SKIC2: variants seen among roughly 807,000 people sequenced by gnomAD.
SKIC2 encodes SKI2 subunit of superkiller complex.
chr6:31,967,082 G>C, the SKIC2 span: 1 of 1,612,900 alleles, frequency 6.2e-7, no homozygotes, highest in Non-Finnish European at 8.5e-7. This position sits in a 1 kb window ranked among gnomAD's most constrained non-coding sequence, Gnocchi z 4.9. Flanking sequence ...CCAACTGGTC[G>C]ACCTGCCTGA....
At chr6:31,968,348 C>T in the SKIC2 span, 6 of 1,612,744 alleles carry the variant, frequency 3.7e-6, no homozygotes, top group Admixed American at 3.3e-5. This position sits in a 1 kb window ranked among gnomAD's most constrained non-coding sequence, Gnocchi z 6.1. Context: ...CCCCTTGCAG[C>T]CGTGACCACT....
the SKIC2 span, chr6:31,961,932 T>A: frequency 6.2e-7 from 1 of 1,613,112 alleles, no homozygotes; most frequent in Non-Finnish European, 8.5e-7. Context: ...CAGATGTGTT[T>A]CAGAAACAGG....
At chr6:31,967,635 C>A in the SKIC2 span, 1 of 1,513,814 alleles carries the variant, frequency 6.6e-7, no homozygotes, top group Admixed American at 1.7e-5. The surrounding 1 kb of genome is among the most constrained non-coding windows in gnomAD (Gnocchi z 4.9). Flanking sequence ...CTGATTCCTG[C>A]CCAAGGGTGG....
the SKIC2 span, chr6:31,966,833 G>T: frequency 6.2e-7 from 1 of 1,614,166 alleles, no homozygotes; most frequent in Non-Finnish European, 8.5e-7. This position sits in a 1 kb window ranked among gnomAD's most constrained non-coding sequence, Gnocchi z 5.9. Context: ...TTTCCCTCCC[G>T]CAAAGACAGC....
At chr6:31,968,400 C>A in the SKIC2 span, 1 of 1,613,004 alleles carries the variant, frequency 6.2e-7, no homozygotes, top group South Asian at 1.1e-5. The surrounding 1 kb of genome is among the most constrained non-coding windows in gnomAD (Gnocchi z 6.1). Flanking sequence ...CCCACCCAGC[C>A]GGACCTCCCA....
the SKIC2 span, chr6:31,960,823 G>A: frequency 1.8e-6 from 2 of 1,106,460 alleles, no homozygotes; most frequent in Admixed American, 4.6e-5. Flanking sequence ...CCATGTTTTT[G>A]AGAAAATTAG....
At chr6:31,961,757 C>A in the SKIC2 span, 1 of 1,561,426 alleles carries the variant, frequency 6.4e-7, no homozygotes. Flanking sequence ...CTCTATTGGC[C>A]AGAGGTCAGA....
chr6:31,962,069 GC>G, the SKIC2 span: 1 of 1,610,718 alleles, frequency 6.2e-7, no homozygotes, highest in Non-Finnish European at 8.5e-7. The surrounding 1 kb of genome is among the most constrained non-coding windows in gnomAD (Gnocchi z 5.0). Flanking sequence ...GAGTTCCTTT[GC>G]CAACCTCCCC....
At chr6:31,969,493 C>A in the SKIC2 span, 6 of 1,612,734 alleles carry the variant, frequency 3.7e-6, no homozygotes, top group Non-Finnish European at 5.1e-6. This position sits in a 1 kb window ranked among gnomAD's most constrained non-coding sequence, Gnocchi z 6.1. Context: ...TGCATCCAGT[C>A]CTCACCCTAC....
the SKIC2 span, chr6:31,961,626 C>T: frequency 1.5e-5 from 24 of 1,612,942 alleles, no homozygotes; most frequent in Non-Finnish European, 2.0e-5. Context: ...GTGGACGCCA[C>T]CTCCCCTGTT....
At chr6:31,959,939 C>T in the SKIC2 span, 664 of 1,097,610 alleles carry the variant, frequency 6.0e-4, 1 homozygote, top group Non-Finnish European at 8.5e-4. Flanking sequence ...GAACACAAGT[C>T]CCATCATCTC....
chr6:31,967,808 G>A, the SKIC2 span: 1 of 1,613,012 alleles, frequency 6.2e-7, no homozygotes, highest in Non-Finnish European at 8.5e-7. The surrounding 1 kb of genome is among the most constrained non-coding windows in gnomAD (Gnocchi z 4.9). Flanking sequence ...GCCAGCCACT[G>A]CAGAGGTGCC....
At chr6:31,967,282 A>G in the SKIC2 span, 3 of 1,612,966 alleles carry the variant, frequency 1.9e-6, no homozygotes, top group Non-Finnish European at 2.5e-6. This position sits in a 1 kb window ranked among gnomAD's most constrained non-coding sequence, Gnocchi z 4.9. Flanking sequence ...GCGACGCATC[A>G]TGGAGTCTGT....
At chr6:31,968,241 TGTA>T in the SKIC2 span, 1 of 1,434,692 alleles carries the variant, frequency 7.0e-7, no homozygotes, top group Admixed American at 1.7e-5. The surrounding 1 kb of genome is among the most constrained non-coding windows in gnomAD (Gnocchi z 6.1). Context: ...AAGTGGAGGT[TGTA>T]GTAAGAGGGC....
the SKIC2 span, chr6:31,969,167 C>T: frequency 3.3e-6 from 5 of 1,537,694 alleles, no homozygotes; most frequent in African/African-American, 2.7e-5. The surrounding 1 kb of genome is among the most constrained non-coding windows in gnomAD (Gnocchi z 6.1). Context: ...CCCCAGGTGA[C>T]CCCCTCCAGC....
At chr6:31,963,503 G>C in the SKIC2 span, 1 of 1,610,018 alleles carries the variant, frequency 6.2e-7, no homozygotes, top group South Asian at 1.1e-5. This position sits in a 1 kb window ranked among gnomAD's most constrained non-coding sequence, Gnocchi z 5.3. Context: ...ACAGCTCCAA[G>C]ACCCAGGGGG....
chr6:31,961,259 G>A, the SKIC2 span: 4 of 1,612,344 alleles, frequency 2.5e-6, no homozygotes, highest in Middle Eastern at 1.7e-4. Flanking sequence ...CTGGATTTGG[G>A]TGGGGGTGAC....
chr6:31,965,678 A>G, the SKIC2 span: 3 of 681,604 alleles, frequency 4.4e-6, no homozygotes, highest in African/African-American at 1.8e-5. The surrounding 1 kb of genome is among the most constrained non-coding windows in gnomAD (Gnocchi z 5.6). Flanking sequence ...ATAAGTAACA[A>G]CTGGGATGGT....
At chr6:31,965,636 A>G in the SKIC2 span, 1 of 565,588 alleles carries the variant, frequency 1.8e-6, no homozygotes, top group Non-Finnish European at 3.2e-6. The surrounding 1 kb of genome is among the most constrained non-coding windows in gnomAD (Gnocchi z 5.6). Flanking sequence ...TACCTGCCCT[A>G]TAGATTTGCC....
Sources: allele counts gnomAD v4.1 joint callset, GRCh38; gene constraint gnomAD v4.1.1; non-coding constraint Gnocchi (gnomAD v3.1); transcripts MANE v1.5; gene names NCBI Gene and HGNC (gene_info 2026-07-23, HGNC 2026-07-21).